Variants in RIPK1 observed in about 807,000 individuals in gnomAD.
RIPK1 encodes the protein receptor-interacting serine/threonine-protein kinase 1.
RIPK1 carries 27 observed loss-of-function variants against 62.4 expected under a neutral mutation model. The ratio of observed to expected loss-of-function variants is 0.43; its 90% CI spans 0.32 to 0.60. The LOEUF is 0.60. Ranked by LOEUF, RIPK1 falls within the 20% of genes least tolerant of loss-of-function variation. The probability of loss-of-function intolerance (pLI) is 0.07; values close to 1 mark genes in which losing one functional copy is unlikely to be tolerated. For missense variants in RIPK1, 735 were observed against 831.0 expected (o/e 0.88, Z 1.42); for synonymous variants, 287 against 303.2 (o/e 0.95, Z 0.55).
chr6:3,080,926 T>G (rs1759343735), intron 3 of RIPK1, 53 bp from the exon 4 acceptor site: 9 of 1,570,674 alleles, frequency 5.7e-6, no homozygotes, highest in Non-Finnish European at 7.8e-6. Flanking sequence ...AACAGTTGCT[T>G]TGGCCTATTT....
intron 9 of RIPK1, among the ~76,000 whole-genome samples, chr6:3,109,213 C>G (rs577537991): frequency 6.6e-6 from 1 of 152,088 alleles, no homozygotes; most frequent in Admixed American, 6.6e-5. Flanking sequence ...AGATACAGAG[C>G]GGCGCAGGGC....
At chr6:3,073,174 AT>A (rs1485906798) in intron 1 of RIPK1, among the ~76,000 whole-genome samples, 1 of 151,830 alleles carries the variant, frequency 6.6e-6, no homozygotes, top group East Asian at 1.9e-4. Context: ...ATAGCTATAT[AT>A]CTACATATAC....
At chr6:3,094,861 A>T (rs1273572267) in intron 7 of RIPK1, among the ~76,000 whole-genome samples, 1 of 152,070 alleles carries the variant, frequency 6.6e-6, no homozygotes, top group South Asian at 2.1e-4. Flanking sequence ...CAGGAGTTTG[A>T]GACCAGCCTA....
In RIPK1 at chr6:3,072,390, C is replaced by CATATAT. The variant is rs34461556; in HGVS notation, c.-61+3739_-61+3744dup. Among the ~76,000 whole-genome samples the CATATAT allele has an allele frequency of 0.1, 15,167 of 150,886 alleles. 888 individuals are homozygous for CATATAT. Among genetic ancestry groups the CATATAT allele is most frequent in the African/African-American group, 0.17 (6,897 of 41,020 alleles). ...CTGTACTTATATCTTTATCTATTTA[C>CATATAT]ATATATATATATATAAAACACACAC... On this transcript the variant is annotated intron_variant, in intron 1 of 10. Transcript: ENST00000259808. The surrounding 1 kb of genome is among the most constrained non-coding windows in gnomAD (Gnocchi z 5.6).
At chr6:3,085,195 C>T in intron 5 of RIPK1, 64 bp from the exon 6 acceptor site, 1 of 1,582,792 alleles carries the variant, frequency 6.3e-7, no homozygotes, top group South Asian at 1.1e-5. Flanking sequence ...CAGTATTGTT[C>T]AAGTTCTGTC....
rs372626426 is a variant in RIPK1 at position 3,083,207 on chromosome 6, G to A, written c.582G>A (p.Ala194=). 745 of 1,613,860 alleles carry A rather than the reference G, an allele frequency of 4.6e-4. 1 individual carries two copies. Among genetic ancestry groups the A allele is most frequent in the Non-Finnish European group, 5.9e-4 (701 of 1,180,002 alleles). ...KKNGGTLYYM[A]PEHLNDVNAK... The stretch of plus-strand genomic sequence containing the variant: ...ATGGCGGCACCCTCTACTACATGGC[G>A]CCCGAGCACCTGAATGACGTCAACG... The change falls in exon 5 of 11, where the codon GCG becomes GCA. Residue 194 remains alanine (A), a synonymous_variant. Coordinates refer to ENST00000259808, the MANE Select transcript of RIPK1 (RefSeq NM_001354930.2).
intron 7 of RIPK1, among the ~76,000 whole-genome samples, chr6:3,096,863 A>ATTTTG (rs112448743): frequency 2.1e-4 from 30 of 140,540 alleles, no homozygotes; most frequent in African/African-American, 7.2e-4. Flanking sequence ...CCAGCCAAGT[A>ATTTTG]TTTTGTTTTG....
intron 3 of RIPK1, among the ~76,000 whole-genome samples, chr6:3,079,255 T>C (rs1759253197): frequency 6.6e-6 from 1 of 152,188 alleles, no homozygotes; most frequent in African/African-American, 2.4e-5. Context: ...ATTTTTTTAA[T>C]TTTTAGTAGA....
intron 7 of RIPK1, among the ~76,000 whole-genome samples, chr6:3,100,482 T>C (rs1760537825): frequency 6.6e-6 from 1 of 152,100 alleles, no homozygotes; most frequent in South Asian, 2.1e-4. Flanking sequence ...ATAAGAGTGA[T>C]ATGCATCACA....
At chr6:3,099,844 C>T (rs1393071928) in intron 7 of RIPK1, among the ~76,000 whole-genome samples, 1 of 152,176 alleles carries the variant, frequency 6.6e-6, no homozygotes, top group African/African-American at 2.4e-5. Context: ...AGTTTGGCTG[C>T]AGTTCTACTC....
chr6:3,073,281 T>C (rs896735411), intron 1 of RIPK1, among the ~76,000 whole-genome samples: 3 of 151,428 alleles, frequency 2.0e-5, no homozygotes, highest in African/African-American at 7.3e-5. Flanking sequence ...TATACAAATA[T>C]ATGTATATTT....
Position 3,114,429 on chromosome 6 carries a change from C to T in RIPK1, c.*1090C>T, listed in dbSNP as rs1268425516. 6.6e-6 allele frequency: 1 copy of T among 152,192 alleles called. No homozygotes were observed. The highest frequency in any genetic ancestry group is 1.5e-5 in the Non-Finnish European group (1 of 68,048). 9.4% of individuals were successfully genotyped at this position (152,192 alleles called of 1,614,324 possible). A position where few individuals can be genotyped will look rare whatever the true frequency, so the allele number is the denominator to read the frequency against. On this transcript the variant is annotated 3_prime_UTR_variant, in exon 11 of 11. Transcript: ENST00000259808. This position sits in a 1 kb window ranked among gnomAD's most constrained non-coding sequence, Gnocchi z 5.0. The stretch of plus-strand genomic sequence containing the variant: ...CCAGCCTTTCAAAGCCCACCTGAAA[C>T]CTGGGGGTGGATGAAAGAACTAGAA...
chr6:3,101,869 G>A (rs1247479236), intron 7 of RIPK1, among the ~76,000 whole-genome samples: 1 of 152,012 alleles, frequency 6.6e-6, no homozygotes, highest in Non-Finnish European at 1.5e-5. Flanking sequence ...AATGTTGTGC[G>A]GCCATTACCA....
chr6:3,072,638 T>C lies in RIPK1; in HGVS notation c.-61+3977T>C, dbSNP rs1184447252. On this transcript the variant is annotated intron_variant, in intron 1 of 10. Coordinates refer to ENST00000259808, the MANE Select transcript of RIPK1 (RefSeq NM_001354930.2). The surrounding 1 kb of genome is among the most constrained non-coding windows in gnomAD (Gnocchi z 5.6). ...GAGATGGTGCACAAGACAAGTTTCCTGCCTTCTGTGAACTTCATGAGAAAT... is the reference window on the plus strand; with the variant it reads ...GAGATGGTGCACAAGACAAGTTTCCCGCCTTCTGTGAACTTCATGAGAAAT... 6.6e-6 allele frequency among the ~76,000 whole-genome samples: 1 copy of C among 152,222 alleles called. No homozygotes were observed. The highest frequency in any genetic ancestry group is 1.5e-5 in the Non-Finnish European group (1 of 68,038).
chr6:3,077,648 C>A, intron 2 of RIPK1, 131 bp from the exon 3 acceptor site: 2 of 950,714 alleles, frequency 2.1e-6, no homozygotes, highest in Non-Finnish European at 3.1e-6. Flanking sequence ...CGCTTCTGGC[C>A]TGTGCCTGGA....
At chr6:3,075,839 CTTT>C (rs10602513) in intron 1 of RIPK1, among the ~76,000 whole-genome samples, 2,204 of 146,996 alleles carry the variant, frequency 0.015, 28 homozygotes, top group African/African-American at 0.04. Context: ...TTTGCACAAA[CTTT>C]TTTTTTTTTT....
chr6:3,068,403 C>G, upstream of RIPK1: 1 of 985,474 alleles, frequency 1.0e-6, no homozygotes, highest in African/African-American at 1.7e-5. Context: ...GACTCAGACC[C>G]CGGGCGCGAG....
chr6:3,104,567 G>A (rs935685328), intron 8 of RIPK1, among the ~76,000 whole-genome samples: 4 of 152,184 alleles, frequency 2.6e-5, no homozygotes, highest in African/African-American at 9.6e-5. Flanking sequence ...AGAAGTGACA[G>A]TTCAGAAGAA....
chr6:3,085,412 A>G lies in RIPK1; in HGVS notation c.838+4A>G, dbSNP rs1759637233. 6.2e-7 allele frequency: 1 copy of G among 1,614,124 alleles called. No homozygotes were observed. Among genetic ancestry groups the G allele is most frequent in the African/African-American group, 1.3e-5 (1 of 75,048 alleles). On this transcript the variant is annotated splice_donor_region_variant and intron_variant, in intron 6 of 10. Coordinates refer to ENST00000259808, the MANE Select transcript of RIPK1 (RefSeq NM_001354930.2). ...GAAGCTCGGCCGACATTTCCTGGTA[A>G]GAGCATCTTTTCTGACTGTGTAGGA... is the stretch of plus-strand genomic sequence containing the variant.
Sources: gnomAD v4.1 joint callset for allele counts (sites outside exome capture counted in the v4.1 genomes callset) on GRCh38, gnomAD v4.1.1 for gene constraint, Gnocchi (gnomAD v3.1) non-coding constraint, MANE v1.5 for transcripts, NCBI Gene and HGNC (gene_info 2026-07-23, HGNC 2026-07-21) for gene names.